The following DIAPH3 variants were observed in gnomAD, a reference collection of about 807,000 sequenced individuals.
The protein encoded by DIAPH3 is protein diaphanous homolog 3.
DIAPH3 carries 117 observed loss-of-function variants against 144.3 expected under a neutral mutation model. The observed-to-expected ratio is 0.81, with a 90% CI of 0.70 to 0.95. The LOEUF is 0.95. Ranked by LOEUF, DIAPH3 falls within the 40% of genes least tolerant of loss-of-function variation. DIAPH3 has a pLI of 0.00. For synonymous variants in DIAPH3, 519 were observed against 488.9 expected, an observed-to-expected ratio of 1.06 and a Z score of -0.81; for missense variants, 1,421 against 1,412.7, an observed-to-expected ratio of 1.01 and a Z score of -0.09.
At chr13:59,739,507 A>T (rs1208535780) in intron 27 of DIAPH3, among the ~76,000 whole-genome samples, 1 of 152,158 alleles carries the variant, frequency 6.6e-6, no homozygotes, top group South Asian at 2.1e-4. Context: ...CAGAAGTACA[A>T]TGGTCACTGT....
intron 1 of DIAPH3, among the ~76,000 whole-genome samples, chr13:60,160,156 G>A (rs1029703249): frequency 5.3e-5 from 8 of 151,940 alleles, no homozygotes; most frequent in Non-Finnish European, 7.4e-5. Context: ...CCCGAGAGGC[G>A]GAGCTTGCAG....
At chr13:60,018,109 C>G (rs1382188070) in intron 5 of DIAPH3, among the ~76,000 whole-genome samples, 1 of 152,144 alleles carries the variant, frequency 6.6e-6, no homozygotes, top group Admixed American at 6.6e-5. Context: ...ATAAGGCACT[C>G]CTCTTTAATA....
chr13:60,064,419 C>G (rs1333218960), intron 4 of DIAPH3, among the ~76,000 whole-genome samples: 1 of 152,226 alleles, frequency 6.6e-6, no homozygotes, highest in Non-Finnish European at 1.5e-5. Context: ...GCTGCAGCTG[C>G]TACATCAGCA....
At chr13:59,994,127 T>C (rs2052031281) in intron 9 of DIAPH3, among the ~76,000 whole-genome samples, 2 of 151,772 alleles carry the variant, frequency 1.3e-5, no homozygotes, top group South Asian at 2.1e-4. Context: ...TGATTCTCCA[T>C]AGAAGAAAAA....
At chr13:59,962,851 C>T (rs955785789) in intron 17 of DIAPH3, among the ~76,000 whole-genome samples, 5 of 152,028 alleles carry the variant, frequency 3.3e-5, no homozygotes, top group African/African-American at 1.2e-4. Context: ...TTTTGAAATA[C>T]TGATCATTTT....
chr13:59,717,742 T>C (rs78845818), intron 27 of DIAPH3, among the ~76,000 whole-genome samples: 6,489 of 151,722 alleles, frequency 0.043, 231 homozygotes, highest in South Asian at 0.11. Context: ...AAGAAAATTA[T>C]AGGTATAGGA....
rs908746500 is a variant in DIAPH3, at chr13:60,069,992, AT to A, written c.495+23635del. ...TTGGCTCACAGAATTTATAGAATAC[AT>A]TTTTTTTTCTAATTCTGTGAAAAAT... On this transcript the variant is annotated intron_variant, in intron 4 of 27. Transcript: ENST00000400324. 1.3e-4 allele frequency among the ~76,000 whole-genome samples: 19 copies of A among 151,190 alleles called. No homozygotes were observed. The South Asian group carries it at 2.3e-3, about 18-fold the overall frequency.
rs139976378 is a variant in DIAPH3 at position 60,076,261 on chromosome 13, A to T, written c.495+17367T>A. On this transcript the variant is annotated intron_variant, in intron 4 of 27. Transcript: ENST00000400324. The stretch of plus-strand genomic sequence containing the variant: ...GAGTGCTTCTCTCAAATGCCCACTC[A>T]TTTGGCTCCAGTCCCTCACAAGGGG... 3.8e-4 allele frequency among the ~76,000 whole-genome samples: 58 copies of T among 152,310 alleles called. No individual in the cohort carries two copies. In the East Asian group the frequency reaches 0.011, roughly 29 times the overall value.
At chr13:60,034,545 G>C (rs1174171065) in intron 5 of DIAPH3, 1 of 152,182 alleles carries the variant, frequency 6.6e-6, no homozygotes, top group Admixed American at 6.5e-5. Flanking sequence ...TTCAGCATGG[G>C]AGTTTAATCT....
At chr13:59,966,775 G>A (rs1268435260) in intron 17 of DIAPH3, among the ~76,000 whole-genome samples, 1 of 152,128 alleles carries the variant, frequency 6.6e-6, no homozygotes, top group African/African-American at 2.4e-5. Flanking sequence ...AAATGCCTGG[G>A]ATGGAATGTC....
chr13:60,052,898 T>C (rs1209755763), intron 4 of DIAPH3, among the ~76,000 whole-genome samples: 1 of 133,602 alleles, frequency 7.5e-6, no homozygotes, highest in African/African-American at 2.9e-5. Context: ...GAGGCAGAGA[T>C]TGTAGTGAGC....
chr13:60,018,790 T>C (rs1374492994), intron 5 of DIAPH3, among the ~76,000 whole-genome samples: 2 of 151,890 alleles, frequency 1.3e-5, no homozygotes, highest in Non-Finnish European at 2.9e-5. Context: ...TCATAAAACA[T>C]GTCAAAAACA....
intron 11 of DIAPH3, 103 bp downstream of exon 11, chr13:59,991,965 C>A: frequency 1.1e-6 from 1 of 919,474 alleles, no homozygotes; most frequent in Non-Finnish European, 1.8e-6. Context: ...GGTTTGATTT[C>A]ATGTTGTTTA....
chr13:60,079,521 C>CA (rs1469121673), intron 4 of DIAPH3, among the ~76,000 whole-genome samples: 3 of 151,968 alleles, frequency 2.0e-5, no homozygotes, highest in East Asian at 1.9e-4. Flanking sequence ...TTTAAGATAA[C>CA]AAAAAAATCA....
chr13:60,031,983 C>A (rs552711491), intron 5 of DIAPH3, among the ~76,000 whole-genome samples: 2 of 152,166 alleles, frequency 1.3e-5, no homozygotes, highest in South Asian at 2.1e-4. Flanking sequence ...ACCTCATGAT[C>A]CACCGCCTTG....
rs187223538 is a variant in DIAPH3, at chr13:59,970,992, T to C, written c.1819A>G (p.Ser607Gly). The C allele has an allele frequency of 6.0e-4, 972 of 1,613,644 alleles. 3 individuals are homozygous for C. The African/African-American group carries it at 0.011, about 18-fold the overall frequency. ...GGAGGTGGTGGAGGCACAGGACCAC[T>C]GAATGGCATCCGCATTCCTGGAAGT... ...PPLPGMRMPF[S>G]GPVPPPPPLG... Residue 607 changes from serine to glycine, a missense_variant, in exon 16 of 28, where the codon AGT becomes GGT. Transcript: ENST00000400324.
At chr13:60,026,478 T>C (rs1032401366) in intron 5 of DIAPH3, among the ~76,000 whole-genome samples, 3 of 152,174 alleles carry the variant, frequency 2.0e-5, no homozygotes, top group African/African-American at 7.2e-5. Flanking sequence ...TGTTCTTCTT[T>C]AAAGCACCAA....
intron 27 of DIAPH3, among the ~76,000 whole-genome samples, chr13:59,668,868 A>AC (rs1566165716): frequency 1.6e-5 from 2 of 128,550 alleles, no homozygotes; most frequent in Non-Finnish European, 1.7e-5. Flanking sequence ...CACACACACA[A>AC]AACACATACA....
At chr13:60,071,668 C>A (rs1235487535) in intron 4 of DIAPH3, among the ~76,000 whole-genome samples, 1 of 152,164 alleles carries the variant, frequency 6.6e-6, no homozygotes, top group Non-Finnish European at 1.5e-5. Context: ...AACTTTGCCC[C>A]TTACTTCACT....
Sources: gnomAD v4.1 joint callset for allele counts (sites outside exome capture counted in the v4.1 genomes callset) on GRCh38, gnomAD v4.1.1 for gene constraint, MANE v1.5 for transcripts, NCBI Gene and HGNC (gene_info 2026-07-23, HGNC 2026-07-21) for gene names.